The following TAF11L12 variants were observed in gnomAD, a reference collection of about 807,000 sequenced individuals.
TAF11L12 encodes TATA-box-binding protein-associated factor 11-like protein 12.
exon 1 of TAF11L12, chr5:17,611,500 C>T (rs1418673695): frequency 2.5e-6 from 1 of 397,696 alleles, no homozygotes; most frequent in Non-Finnish European, 4.4e-6. Context: ...CCCGCTGCAG[C>T]CCAAGCATTT....
Position 17,611,310 on chromosome 5 carries a change from C to A in TAF11L12, c.321C>A (p.Arg107=), listed in dbSNP as rs965109581. The change falls in exon 1 of 1, where the codon CGC becomes CGA. Residue 107 remains arginine (R), a synonymous_variant. Coordinates refer to ENST00000503184, the Ensembl canonical transcript of TAF11L12. ...CCATGTCTGAGGAGCAGCTATCCCG[C>A]TACGAAGTGTGTCGCCGGTCAGCTT... The A allele has an allele frequency of 5.0e-5, 20 of 397,988 alleles. 1 individual carries two copies. Among genetic ancestry groups the A allele is most frequent in the Non-Finnish European group, 8.4e-5 (19 of 225,786 alleles). The allele number at this position is 397,988 out of a possible 1,614,324, so 24.7% of individuals were successfully genotyped here.
chr5:17,610,793 T>C (rs1463925337), exon 1 of TAF11L12: 4 of 386,784 alleles, frequency 1.0e-5, no homozygotes, highest in African/African-American at 2.1e-5. Flanking sequence ...ATTGTGGAAG[T>C]GAGAACATTC....
downstream of TAF11L12, among the ~76,000 whole-genome samples, chr5:17,611,958 T>G (rs934188942): frequency 2.6e-5 from 4 of 151,484 alleles, no homozygotes; most frequent in African/African-American, 9.7e-5. Context: ...TTACCTTGTA[T>G]GCTGATGTCT....
Position 17,611,222 on chromosome 5 carries a change from G to C in TAF11L12, c.233G>C (p.Gly78Ala), listed in dbSNP as rs1171866729. 5 of 398,184 alleles carry C rather than the reference G, an allele frequency of 1.3e-5. 1 individual carries two copies. In the South Asian group the frequency reaches 6.4e-4, roughly 51 times the overall value. 24.7% of individuals were successfully genotyped at this position (398,184 alleles called of 1,614,324 possible). The change falls in exon 1 of 1, where the codon GGG (glycine) becomes GCG (alanine). Residue 78 changes from glycine to alanine, a missense_variant. Transcript: ENST00000503184. Reference sequence around the variant, plus strand: ...AAAAGACAGAAAACAGATACCAAGGGGAAGAAGGAGAGGAAGCCCACCGTG... The same window carrying C: ...AAAAGACAGAAAACAGATACCAAGGCGAAGAAGGAGAGGAAGCCCACCGTG...
chr5:17,611,493 G>A (rs964994851), exon 1 of TAF11L12: 11 of 397,818 alleles, frequency 2.8e-5, no homozygotes, highest in South Asian at 1.3e-4. Flanking sequence ...AAACGCCCCC[G>A]CTGCAGCCCA....
At chr5:17,611,914 A>G (rs1209932064), downstream of TAF11L12, among the ~76,000 whole-genome samples, 2 of 151,250 alleles carry the variant, frequency 1.3e-5, 1 homozygote, top group African/African-American at 4.9e-5. Flanking sequence ...GGAGATTTGT[A>G]CGGTTTCATT....
chr5:17,611,579 T>C, exon 1 of TAF11L12: 1 of 397,984 alleles, frequency 2.5e-6, no homozygotes, highest in Non-Finnish European at 4.4e-6. Flanking sequence ...AAAATCATGT[T>C]CTAAGCCCAA....
chr5:17,611,005 C>A (rs1561010268), exon 1 of TAF11L12: 2 of 397,754 alleles, frequency 5.0e-6, no homozygotes, highest in East Asian at 3.6e-5. Flanking sequence ...GACAGGCAGG[C>A]AAAGAGGTGC....
chr5:17,611,656 A>G (rs888602430), downstream of TAF11L12: 7 of 397,064 alleles, frequency 1.8e-5, 1 homozygote, highest in African/African-American at 8.3e-5. Context: ...ACAGGACTGC[A>G]TTTGCTGGAG....
downstream of TAF11L12, among the ~76,000 whole-genome samples, chr5:17,611,907 G>A (rs1338232775): frequency 6.6e-6 from 1 of 151,344 alleles, no homozygotes; most frequent in Non-Finnish European, 1.5e-5. Flanking sequence ...CTTTCCAGGA[G>A]ATTTGTACGG....
exon 1 of TAF11L12, chr5:17,610,947 T>G (rs1739263545): frequency 2.5e-6 from 1 of 397,614 alleles, no homozygotes. Flanking sequence ...CCAGAACTTC[T>G]GCCTGTACAG....
chr5:17,611,799 T>C (rs1271151300), downstream of TAF11L12, among the ~76,000 whole-genome samples: 1 of 151,498 alleles, frequency 6.6e-6, no homozygotes, highest in African/African-American at 2.4e-5. Flanking sequence ...TCCAGGGGCA[T>C]ATTGAGGCAT....
At chr5:17,611,906 A>G (rs1462988179), downstream of TAF11L12, among the ~76,000 whole-genome samples, 1 of 151,176 alleles carries the variant, frequency 6.6e-6, no homozygotes, top group African/African-American at 2.4e-5. Flanking sequence ...CCTTTCCAGG[A>G]GATTTGTACG....
chr5:17,611,180 C>G, the TAF11L12 span: 62 of 398,052 alleles, frequency 1.6e-4, 2 homozygotes, highest in Non-Finnish European at 1.8e-5. Flanking sequence ...GCATCAGCCT[C>G]AGCTCCTCCT....
exon 1 of TAF11L12, chr5:17,611,238 G>A (rs1739269987): frequency 2.5e-6 from 1 of 398,352 alleles, no homozygotes. Flanking sequence ...AGGAGAGGAA[G>A]CCCACCGTGG....
exon 1 of TAF11L12, chr5:17,611,431 T>G: frequency 2.5e-6 from 1 of 398,008 alleles, no homozygotes; most frequent in East Asian, 3.6e-5. Flanking sequence ...AGCTAAGGTC[T>G]TGGTTGGAGA....
chr5:17,611,438 G>T lies in TAF11L12; in HGVS notation c.449G>T (p.Gly150Val). 2 of 398,106 alleles carry T rather than the reference G, an allele frequency of 5.0e-6. 1 individual carries two copies. The highest frequency in any genetic ancestry group is 7.1e-5 in the East Asian group (2 of 28,034). The allele number at this position is 398,106 out of a possible 1,614,324, so 24.7% of individuals were successfully genotyped here. A position where few individuals can be genotyped will look rare whatever the true frequency, so the allele number is the denominator to read the frequency against. ...GCTGGAATAGCTAAGGTCTTGGTTG[G>T]AGAGGTGGTGGAAGAGGCCCTGGAC... The change falls in exon 1 of 1, where the codon GGA becomes GTA. Residue 150 changes from glycine (G) to valine (V), a missense_variant. Gly to Val is a moderately radical substitution (Grantham distance 109). Coordinates refer to ENST00000503184, the Ensembl canonical transcript of TAF11L12.
At chr5:17,611,573 T>A (rs1739276899) in exon 1 of TAF11L12, 1 of 398,024 alleles carries the variant, frequency 2.5e-6, no homozygotes, top group South Asian at 1.3e-4. Context: ...TATAAAAAAA[T>A]CATGTTCTAA....
exon 1 of TAF11L12, chr5:17,611,084 T>C: frequency 2.5e-6 from 1 of 397,812 alleles, no homozygotes; most frequent in East Asian, 3.6e-5. Flanking sequence ...CCTGAGGACC[T>C]AGATGGGAAC....
Sources: gnomAD v4.1 joint callset for allele counts (sites outside exome capture counted in the v4.1 genomes callset) on GRCh38, gnomAD v4.1.1 for gene constraint, MANE v1.5 for transcripts, NCBI Gene and HGNC (gene_info 2026-07-23, HGNC 2026-07-21) for gene names.